The following GON4L variants were observed in gnomAD, a reference collection of about 807,000 sequenced individuals.
GON4L encodes the protein GON-4-like protein.
Under a neutral mutation model 211.8 loss-of-function variants are expected in GON4L, and 87 were observed. That is an observed-to-expected ratio of 0.41 (90% CI 0.35 to 0.49). The LOEUF is 0.49. GON4L is among the 20% of genes least tolerant of loss of function. GON4L has a pLI of 0.15. For synonymous variants in GON4L, 875 were observed against 962.6 expected, an observed-to-expected ratio of 0.91 and a Z score of 1.68; for missense variants, 2,155 against 2,659.5, an observed-to-expected ratio of 0.81 and a Z score of 4.17.
rs1247148836 is a variant in GON4L at position 155,765,784 on chromosome 1, T to C, written c.3689A>G (p.Asp1230Gly). The C allele has an allele frequency of 4.3e-6, 7 of 1,614,152 alleles. No individual in the cohort carries two copies. In the Admixed American group the frequency reaches 6.7e-5, roughly 15 times the overall value. ...CCCATCAGCCACAGCACAAGCAATG[T>C]CCACATTCACGTGGGCCTTATCTTC... ...TPEDKAHVNV[D>G]IACAVADGEN... The change falls in exon 21 of 32, where the codon GAC becomes GGC. Residue 1230 changes from aspartate (D) to glycine (G), a missense_variant. Asp to Gly is a moderately conservative substitution (Grantham distance 94). This residue lies in a region of GON4L where 615 missense variants were observed against 625.7 expected (regional missense o/e 0.98). Coordinates refer to ENST00000368331, the MANE Select transcript of GON4L (RefSeq NM_001282860.2).
chr1:155,788,295 C>CA (rs957711272), intron 12 of GON4L, among the ~76,000 whole-genome samples: 4 of 151,648 alleles, frequency 2.6e-5, no homozygotes, highest in African/African-American at 9.7e-5. Context: ...GCCCAGCCAA[C>CA]AAAAAAAATT....
chr1:155,846,538 AG>A (rs1370963268), intron 2 of GON4L: 33 of 151,452 alleles, frequency 2.2e-4, no homozygotes, highest in African/African-American at 7.8e-4. Flanking sequence ...AAAAAAAAAA[AG>A]ATAGGAAAAA....
rs1240408739 is a variant in GON4L, at chr1:155,766,324, T to C, written c.3149A>G (p.Gln1050Arg). 24 of 1,614,008 alleles carry C rather than the reference T, an allele frequency of 1.5e-5. No individual in the cohort carries two copies. Among genetic ancestry groups the C allele is most frequent in the Non-Finnish European group, 1.9e-5 (22 of 1,180,022 alleles). The change falls in exon 21 of 32, where the codon CAG becomes CGG. Residue 1050 changes from glutamine (Q) to arginine (R), a missense_variant. Gln to Arg is a conservative substitution (Grantham distance 43). Coordinates refer to ENST00000368331, the MANE Select transcript of GON4L (RefSeq NM_001282860.2). ...CAGTGGAGGGACACCTGGAACTGTC[T>C]GTAAAACAGTGGCTGGCTGTATTGG... ...PHPIQPATVL[Q>R]TVPGVPPLGV...
intron 11 of GON4L, among the ~76,000 whole-genome samples, chr1:155,797,863 A>C (rs1157934948): frequency 6.6e-6 from 1 of 151,390 alleles, no homozygotes; most frequent in East Asian, 1.9e-4. Context: ...AAGAAAAAAA[A>C]AAAAAAACAC....
At chr1:155,856,798 A>AGCC (rs1672329277) in intron 1 of GON4L, among the ~76,000 whole-genome samples, 1 of 152,172 alleles carries the variant, frequency 6.6e-6, no homozygotes, top group African/African-American at 2.4e-5. Flanking sequence ...GAAGGAAAGA[A>AGCC]AGACAGCTAC....
At chr1:155,843,883 T>A (rs939906977) in intron 2 of GON4L, among the ~76,000 whole-genome samples, 1 of 152,188 alleles carries the variant, frequency 6.6e-6, no homozygotes, top group Non-Finnish European at 1.5e-5. Context: ...GTGACCCATC[T>A]GGGCTCACCT....
At chr1:155,827,998 G>C (rs942894029) in intron 2 of GON4L, among the ~76,000 whole-genome samples, 3 of 151,858 alleles carry the variant, frequency 2.0e-5, no homozygotes, top group Admixed American at 6.6e-5. Flanking sequence ...CAAAAATATA[G>C]AGCTCTAAAA....
At position 155,853,387 on chromosome 1, in the gene GON4L, T is replaced by C. The variant is rs770667974; in HGVS notation, c.394A>G (p.Lys132Glu). 10 of 1,614,184 alleles carry C rather than the reference T, an allele frequency of 6.2e-6. No homozygotes were observed. The highest frequency in any genetic ancestry group is 2.2e-5 in the South Asian group (2 of 91,084). ...GGCCCAGGCCTGAGTGTCATTTTTT[T>C]CCCTCTCTTTGAGCCAGTAGCGTGG... ...KLHATGSKRG[K>E]KMTLRPGPVT... The change falls in exon 2 of 32, where the codon AAA (lysine) becomes GAA (glutamate). Residue 132 changes from lysine (K) to glutamate (E), a missense_variant. Transcript: ENST00000368331.
chr1:155,815,277 C>A (rs751659094), intron 8 of GON4L, among the ~76,000 whole-genome samples: 5 of 151,976 alleles, frequency 3.3e-5, no homozygotes, highest in African/African-American at 7.3e-5. Flanking sequence ...TAGCTAAAAC[C>A]AATAGTATAA....
intron 19 of GON4L, among the ~76,000 whole-genome samples, chr1:155,769,450 A>T (rs1473584861): frequency 6.6e-6 from 1 of 152,204 alleles, no homozygotes; most frequent in Non-Finnish European, 1.5e-5. Flanking sequence ...AGCCCAAAAC[A>T]TCAGTGCAGC....
chr1:155,807,290 T>G (rs568790376), intron 10 of GON4L, among the ~76,000 whole-genome samples: 2 of 151,926 alleles, frequency 1.3e-5, no homozygotes, highest in African/African-American at 4.8e-5. Flanking sequence ...GTTCCAGCTA[T>G]GCAAGAGCCA....
intron 10 of GON4L, among the ~76,000 whole-genome samples, chr1:155,808,032 T>A (rs947527913): frequency 2.6e-5 from 4 of 151,338 alleles, no homozygotes; most frequent in Non-Finnish European, 4.4e-5. Flanking sequence ...AATCTTTTCT[T>A]ATTTATTTAT....
rs947547331 is a variant in GON4L at position 155,781,756 on chromosome 1, C to T, written c.1892+2230G>A. ...GATTACTGGCGTGAGCCACCGCACC[C>T]GGCCTATTATTATTTTTTGAGAGAC... On this transcript the variant is annotated intron_variant, in intron 14 of 31. Transcript: ENST00000368331. Among the ~76,000 whole-genome samples the T allele has an allele frequency of 3.3e-5, 5 of 151,318 alleles. No individual in the cohort carries two copies. In the East Asian group the frequency reaches 9.8e-4, roughly 30 times the overall value.
At chr1:155,802,735 C>T (rs755288907) in intron 11 of GON4L, among the ~76,000 whole-genome samples, 9 of 152,154 alleles carry the variant, frequency 5.9e-5, no homozygotes, top group South Asian at 2.1e-4. Context: ...GCAGGAGGAT[C>T]GCTTGAGCGC....
intron 9 of GON4L, 39 bp from the exon 10 acceptor site, chr1:155,813,843 G>A: frequency 1.9e-6 from 3 of 1,577,088 alleles, no homozygotes; most frequent in Non-Finnish European, 2.6e-6. Flanking sequence ...AAGGAAGGAG[G>A]TAAGAAAGAA....
Position 155,765,468 on chromosome 1 carries a change from T to C in GON4L, c.4005A>G (p.Glu1335=), listed in dbSNP as rs914818177. The C allele has an allele frequency of 3.7e-6, 6 of 1,614,036 alleles. No individual in the cohort carries two copies. Among genetic ancestry groups the C allele is most frequent in the Non-Finnish European group, 5.1e-6 (6 of 1,180,016 alleles). ...VKMEPEEARE[E]ISGSPERDIC... Reference sequence around the variant, plus strand: ...TATCACGCTCAGGGGATCCACTGATTTCCTCTCTAGCTTCTTCAGGTTCCA... The same window carrying C: ...TATCACGCTCAGGGGATCCACTGATCTCCTCTCTAGCTTCTTCAGGTTCCA... Residue 1335 remains glutamate, a synonymous_variant, in exon 21 of 32, where the codon GAA becomes GAG. Coordinates refer to ENST00000368331, the MANE Select transcript of GON4L (RefSeq NM_001282860.2).
At chr1:155,825,343 C>A (rs535625570) in intron 3 of GON4L, among the ~76,000 whole-genome samples, 27 of 151,506 alleles carry the variant, frequency 1.8e-4, no homozygotes, top group African/African-American at 6.1e-4. Flanking sequence ...GAGGCCGAGG[C>A]GGGCAGATCA....
At chr1:155,758,304 T>C (rs1661403496) in intron 24 of GON4L, among the ~76,000 whole-genome samples, 1 of 152,224 alleles carries the variant, frequency 6.6e-6, no homozygotes, top group African/African-American at 2.4e-5. Flanking sequence ...TTAAGGATTG[T>C]GAAATCAGCC....
chr1:155,807,349 C>G (rs1667231542), intron 10 of GON4L, among the ~76,000 whole-genome samples: 1 of 152,018 alleles, frequency 6.6e-6, no homozygotes, highest in Non-Finnish European at 1.5e-5. Flanking sequence ...CTGCAGCAAG[C>G]TGAGATCATA....
Sources: gnomAD v4.1 joint callset for allele counts (sites outside exome capture counted in the v4.1 genomes callset) on GRCh38, gnomAD v4.1.1 for gene constraint, gnomAD v4.1.1 regional missense constraint, MANE v1.5 for transcripts, NCBI Gene and HGNC (gene_info 2026-07-23, HGNC 2026-07-21) for gene names.